FRAS1: variants seen among roughly 807,000 people sequenced by gnomAD.
FRAS1 encodes the protein extracellular matrix organizing protein FRAS1.
A neutral mutation model predicts 435.2 loss-of-function variants in FRAS1; 290 were observed. That is an observed-to-expected ratio of 0.67 (90% CI 0.61 to 0.73). The LOEUF (loss-of-function observed/expected upper bound fraction) is 0.73, where lower values mean the gene tolerates loss of function less well. Ranked by LOEUF, FRAS1 falls within the 30% of genes least tolerant of loss-of-function variation. FRAS1 has a pLI of 0.00. For missense variants in FRAS1, 4,860 were observed against 5,001.5 expected (o/e 0.97, Z 0.85); for synonymous variants, 1,800 against 1,851.0 (o/e 0.97, Z 0.71).
chr4:78,408,999 CGGG>C, intron 31 of FRAS1, among the ~76,000 whole-genome samples: 1 of 146,166 alleles, frequency 6.8e-6, no homozygotes, highest in Non-Finnish European at 1.5e-5. Flanking sequence ...GGCAGCTAGG[CGGG>C]AGGATCACTT....
intron 2 of FRAS1, among the ~76,000 whole-genome samples, chr4:78,182,205 T>G (rs1722043788): frequency 6.6e-6 from 1 of 152,244 alleles, no homozygotes. Context: ...TAAGAAATGC[T>G]ATAAAGCAAA....
chr4:78,343,545 T>TG (rs141743103), intron 20 of FRAS1, among the ~76,000 whole-genome samples: 1 of 152,246 alleles, frequency 6.6e-6, no homozygotes, highest in East Asian at 1.9e-4. Context: ...TGAAGAGCAT[T>TG]GCTGTTAACA....
intron 47 of FRAS1, among the ~76,000 whole-genome samples, chr4:78,455,419 GA>G (rs1341947934): frequency 0.011 from 1,459 of 131,582 alleles, 17 homozygotes; most frequent in African/African-American, 0.041. Flanking sequence ...TGGAGTTGAG[GA>G]GGGAGGGGGT....
chr4:78,450,077 C>A (rs934737274), intron 44 of FRAS1, 74 bp from the exon 45 acceptor site: 100 of 1,186,566 alleles, frequency 8.4e-5, no homozygotes, highest in Non-Finnish European at 1.2e-4. Flanking sequence ...AGCCTCCAGT[C>A]TCCTAAAATC....
At chr4:78,534,747 C>T in intron 71 of FRAS1, 132 bp downstream of exon 71, 1 of 726,836 alleles carries the variant, frequency 1.4e-6, no homozygotes, top group South Asian at 1.8e-5. Context: ...AGGGTTGGTT[C>T]CAGGACAGCC....
At position 78,094,104 on chromosome 4, in the gene FRAS1, G is replaced by GTTTT. The variant is rs71214395; in HGVS notation, c.108+28109_108+28112dup. Among the ~76,000 whole-genome samples, 314 of 106,616 alleles carry GTTTT rather than the reference G, an allele frequency of 2.9e-3. 3 individuals are homozygous for GTTTT. Among genetic ancestry groups the GTTTT allele is most frequent in the African/African-American group, 0.01 (296 of 29,454 alleles). 69.9% of individuals were successfully genotyped at this position (106,616 alleles called of 152,430 possible). ...GGTAAAATTATTTTTGAATAACCAA[G>GTTTT]TTTTTTTTTTTTTTTTTTTTTTTTG... is the stretch of plus-strand genomic sequence containing the variant. On this transcript the variant is annotated intron_variant, in intron 2 of 73. Transcript: ENST00000512123.
At chr4:78,477,597 C>T (rs553868994) in intron 54 of FRAS1, among the ~76,000 whole-genome samples, 1 of 152,280 alleles carries the variant, frequency 6.6e-6, no homozygotes, top group South Asian at 2.1e-4. Flanking sequence ...CCTTCATGTC[C>T]TTATACAATA....
chr4:78,436,725 T>A (rs1734443851), intron 38 of FRAS1, among the ~76,000 whole-genome samples: 1 of 152,106 alleles, frequency 6.6e-6, no homozygotes, highest in African/African-American at 2.4e-5. Flanking sequence ...GTCAACTTCA[T>A]ATTTCTTTTT....
chr4:78,157,503 A>G (rs1720946199), intron 2 of FRAS1, among the ~76,000 whole-genome samples: 1 of 152,174 alleles, frequency 6.6e-6, no homozygotes, highest in Admixed American at 6.5e-5. Flanking sequence ...CTTTTTAGTA[A>G]TAGCCATTCT....
chr4:78,200,405 T>C (rs1723000578), intron 2 of FRAS1, among the ~76,000 whole-genome samples: 1 of 152,216 alleles, frequency 6.6e-6, no homozygotes, highest in Non-Finnish European at 1.5e-5. Flanking sequence ...ACCCCTGTCA[T>C]ATGTTATTGC....
At chr4:78,171,128 T>C (rs1721535308) in intron 2 of FRAS1, among the ~76,000 whole-genome samples, 1 of 152,132 alleles carries the variant, frequency 6.6e-6, no homozygotes, top group Non-Finnish European at 1.5e-5. Flanking sequence ...TGCTCTGAAT[T>C]GATGCCTCAA....
chr4:78,196,730 C>T (rs1722828289), intron 2 of FRAS1, among the ~76,000 whole-genome samples: 1 of 152,014 alleles, frequency 6.6e-6, no homozygotes, highest in Non-Finnish European at 1.5e-5. Context: ...ATTCTCTGTT[C>T]CTCAGAAGTA....
At chr4:78,363,818 G>T (rs948991782) in intron 21 of FRAS1, 90 bp from the exon 22 acceptor site, 84 of 1,481,648 alleles carry the variant, frequency 5.7e-5, no homozygotes, top group Non-Finnish European at 7.2e-5. Flanking sequence ...AATGTTCTCA[G>T]TGTTGGGACT....
chr4:78,281,047 T>C (rs1387054282), intron 10 of FRAS1, among the ~76,000 whole-genome samples: 1 of 152,230 alleles, frequency 6.6e-6, no homozygotes, highest in Non-Finnish European at 1.5e-5. Flanking sequence ...AAAACAAAGT[T>C]ATTTTAAATA....
intron 23 of FRAS1, among the ~76,000 whole-genome samples, chr4:78,371,839 A>G (rs983558852): frequency 1.3e-5 from 2 of 152,212 alleles, no homozygotes; most frequent in Non-Finnish European, 2.9e-5. Flanking sequence ...CAACAACTAT[A>G]ATATTCACAA....
At chr4:78,516,552 T>G (rs1168109683) in intron 66 of FRAS1, among the ~76,000 whole-genome samples, 1 of 152,180 alleles carries the variant, frequency 6.6e-6, no homozygotes, top group Non-Finnish European at 1.5e-5. Flanking sequence ...CCATTAAACA[T>G]TAGTGTGTTA....
intron 41 of FRAS1, among the ~76,000 whole-genome samples, chr4:78,444,511 G>A (rs560455055): frequency 1.3e-5 from 2 of 152,300 alleles, no homozygotes; most frequent in Non-Finnish European, 2.9e-5. Flanking sequence ...CATGGAGAAG[G>A]GAAGGGGAAA....
Position 78,379,738 on chromosome 4 carries a change from C to A in FRAS1, c.3305C>A (p.Thr1102Asn), listed in dbSNP as rs375057465. Residue 1102 changes from threonine (T) to asparagine (N), a missense_variant, in exon 27 of 74, where the codon ACC (threonine) becomes AAC (asparagine). Thr to Asn is a moderately conservative substitution (Grantham distance 65). Coordinates refer to ENST00000512123, the MANE Select transcript of FRAS1 (RefSeq NM_025074.7). ...SNETCSGKIHTPSLHVNGSLI... is the reference protein window; with the variant it reads ...SNETCSGKIHNPSLHVNGSLI... ...ATATGTTTTTCAGGCAAAATACACACCCCTAGTCTTCATGTGAATGGTTCC... is the reference window on the plus strand; with the variant it reads ...ATATGTTTTTCAGGCAAAATACACAACCCTAGTCTTCATGTGAATGGTTCC... The A allele has an allele frequency of 2.5e-6, 4 of 1,613,178 alleles. No homozygotes were observed. The African/African-American group carries it at 5.3e-5, about 22-fold the overall frequency.
chr4:78,422,049 C>G (rs1373185083), intron 34 of FRAS1, 49 bp downstream of exon 34: 2 of 1,554,586 alleles, frequency 1.3e-6, no homozygotes, highest in Non-Finnish European at 1.7e-6. Flanking sequence ...CTCTGTGGCT[C>G]TACATGACAG....
Sources: gnomAD v4.1 joint callset for allele counts (sites outside exome capture counted in the v4.1 genomes callset) on GRCh38, gnomAD v4.1.1 for gene constraint, MANE v1.5 for transcripts, NCBI Gene and HGNC (gene_info 2026-07-23, HGNC 2026-07-21) for gene names.